Variants in RBMS3 observed in about 807,000 individuals in gnomAD.
The protein encoded by RBMS3 is RNA binding motif single stranded interacting protein 3, also known as RNA-binding motif, single-stranded-interacting protein 3.
RBMS3 carries 27 observed loss-of-function variants against 66.8 expected under a neutral mutation model. The ratio of observed to expected loss-of-function variants is 0.40; its 90% confidence interval spans 0.30 to 0.56. The LOEUF is 0.56. Ranked by LOEUF, RBMS3 falls within the 20% of genes least tolerant of loss-of-function variation. The pLI, the probability that RBMS3 is intolerant of heterozygous loss-of-function variation, is 0.40. For missense variants in RBMS3, 513 were observed against 549.5 expected (o/e 0.93, Z 0.66); for synonymous variants, 188 against 183.0 (o/e 1.03, Z -0.22).
chr3:29,311,605 A>G (rs1310511560), intron 1 of RBMS3, among the ~76,000 whole-genome samples: 1 of 151,816 alleles, frequency 6.6e-6, no homozygotes, highest in Non-Finnish European at 1.5e-5. Context: ...GAGGTTTACT[A>G]TTTAATTCAC....
At chr3:29,366,665 AC>A (rs2037925895) in intron 1 of RBMS3, among the ~76,000 whole-genome samples, 2 of 152,112 alleles carry the variant, frequency 1.3e-5, no homozygotes, top group African/African-American at 2.4e-5. Flanking sequence ...ATGAGCCACC[AC>A]ACCTGGCGAT....
Position 29,758,002 on chromosome 3 carries a change from G to A in RBMS3, c.558-4908G>A, listed in dbSNP as rs141794650. On this transcript the variant is annotated intron_variant, in intron 5 of 14. Coordinates refer to ENST00000383767, the MANE Select transcript of RBMS3 (RefSeq NM_001003793.3). ...TTGTTTGTTGGAGTAGTACTGGCCA[G>A]GTATTCTGAATGTCTCTAGATCTGA... is the stretch of plus-strand genomic sequence containing the variant. Among the ~76,000 whole-genome samples, 15 of 152,276 alleles carry A rather than the reference G, an allele frequency of 9.9e-5. No individual in the cohort carries two copies. The East Asian group carries it at 2.9e-3, about 29-fold the overall frequency.
At chr3:29,720,458 G>A (rs2053595534) in intron 4 of RBMS3, among the ~76,000 whole-genome samples, 1 of 152,058 alleles carries the variant, frequency 6.6e-6, no homozygotes, top group African/African-American at 2.4e-5. Flanking sequence ...TCTTGTAACT[G>A]ACAGTGAAAT....
intron 6 of RBMS3, among the ~76,000 whole-genome samples, chr3:29,863,768 G>A (rs1433745299): frequency 6.6e-6 from 1 of 152,078 alleles, no homozygotes; most frequent in Non-Finnish European, 1.5e-5. Flanking sequence ...TGTTAAGGTA[G>A]GCTTAAAATC....
At chr3:29,559,353 T>C (rs561672410) in intron 3 of RBMS3, among the ~76,000 whole-genome samples, 72 of 151,712 alleles carry the variant, frequency 4.7e-4, no homozygotes, top group African/African-American at 1.7e-3. Context: ...AAAGCATTCA[T>C]CACCTTCTTT....
intron 4 of RBMS3, among the ~76,000 whole-genome samples, chr3:29,701,561 G>C (rs1477080587): frequency 3.9e-5 from 6 of 152,004 alleles, no homozygotes; most frequent in Admixed American, 3.3e-4. Flanking sequence ...CCCTCTGCTT[G>C]TAAGGAGGTG....
intron 3 of RBMS3, among the ~76,000 whole-genome samples, chr3:29,583,411 T>C (rs1429017384): frequency 6.6e-6 from 1 of 152,150 alleles, no homozygotes; most frequent in Non-Finnish European, 1.5e-5. Flanking sequence ...AGCCCAACAG[T>C]ATTAATAGAC....
chr3:29,391,230 A>G (rs193156091), intron 1 of RBMS3: 1 of 156,050 alleles, frequency 6.4e-6, no homozygotes, highest in East Asian at 1.6e-4. Flanking sequence ...GAACAAATAA[A>G]ATGTTGGCTC....
chr3:29,935,809 A>G lies in RBMS3; in HGVS notation c.940-277A>G, dbSNP rs532288368. On this transcript the variant is annotated intron_variant, in intron 10 of 14. Coordinates refer to ENST00000383767, the MANE Select transcript of RBMS3 (RefSeq NM_001003793.3). Reference sequence around the variant, plus strand: ...GGCAAGAGGATATAGATGATTTTCAATACATTCTACCTCAAAAAATGAAAA... The same window carrying G: ...GGCAAGAGGATATAGATGATTTTCAGTACATTCTACCTCAAAAAATGAAAA... 2.0e-4 allele frequency among the ~76,000 whole-genome samples: 31 copies of G among 152,240 alleles called. 1 individual carries two copies. The highest frequency in any genetic ancestry group is 6.8e-3 in the Middle Eastern group (2 of 294).
At chr3:29,648,261 C>CTGTT in intron 4 of RBMS3, among the ~76,000 whole-genome samples, 1 of 88,138 alleles carries the variant, frequency 1.1e-5, no homozygotes, top group African/African-American at 4.9e-5. Context: ...TAGAAAATGT[C>CTGTT]TATTTTTTTT....
At chr3:29,593,903 A>C (rs2047853797) in intron 4 of RBMS3, among the ~76,000 whole-genome samples, 1 of 152,232 alleles carries the variant, frequency 6.6e-6, no homozygotes, top group Non-Finnish European at 1.5e-5. Flanking sequence ...TGGTTTGAAG[A>C]AAATTAAAAC....
intron 6 of RBMS3, among the ~76,000 whole-genome samples, chr3:29,797,485 T>C (rs143492308): frequency 0.056 from 8,594 of 152,200 alleles, 264 homozygotes; most frequent in Non-Finnish European, 0.075. Flanking sequence ...AGCAATAAGG[T>C]GGTTTTGCTT....
chr3:29,579,509 A>G (rs1323941423), intron 3 of RBMS3, among the ~76,000 whole-genome samples: 1 of 152,186 alleles, frequency 6.6e-6, no homozygotes, highest in African/African-American at 2.4e-5. Context: ...AGGTTTGCCT[A>G]TCCTAAATTG....
At chr3:29,877,489 A>G (rs1371205463) in intron 7 of RBMS3, among the ~76,000 whole-genome samples, 1 of 152,232 alleles carries the variant, frequency 6.6e-6, no homozygotes, top group Non-Finnish European at 1.5e-5. Flanking sequence ...AGTGAGGACC[A>G]TTTCACAGGT....
intron 2 of RBMS3, among the ~76,000 whole-genome samples, chr3:29,438,064 T>C (rs938159109): frequency 1.7e-5 from 2 of 116,632 alleles, no homozygotes; most frequent in African/African-American, 7.3e-5. Context: ...CTCTCTCTCG[T>C]AGTGTTGGCC....
In RBMS3 at chr3:30,000,285, A is replaced by T. The variant is rs188108289; in HGVS notation, c.1308-3571A>T. On this transcript the variant is annotated intron_variant, in intron 14 of 14. Coordinates refer to ENST00000383767, the MANE Select transcript of RBMS3 (RefSeq NM_001003793.3). Reference sequence around the variant, plus strand: ...CATTTATGCAGCCAACAAACATGAAAAAAAGCTCATCACCACTGATTATCA... The same window carrying T: ...CATTTATGCAGCCAACAAACATGAATAAAAGCTCATCACCACTGATTATCA... Among the ~76,000 whole-genome samples, 208 of 152,352 alleles carry T rather than the reference A, an allele frequency of 1.4e-3. 1 individual carries two copies. Among genetic ancestry groups the T allele is most frequent in the African/African-American group, 4.4e-3 (185 of 41,586 alleles).
Position 29,514,993 on chromosome 3 carries a change from A to G in RBMS3, c.307+26494A>G, listed in dbSNP as rs114630307. 7.1e-3 allele frequency among the ~76,000 whole-genome samples: 1,087 copies of G among 152,176 alleles called. 14 individuals carry two copies. The highest frequency in any genetic ancestry group is 0.025 in the African/African-American group (1,038 of 41,516). ...TCACAGATGAGGGTAATGAGCCACT[A>G]TGTTCAAGATCAATCAGCTTCCAAA... On this transcript the variant is annotated intron_variant, in intron 3 of 14. Transcript: ENST00000383767.
intron 6 of RBMS3, among the ~76,000 whole-genome samples, chr3:29,857,976 A>G (rs2059122749): frequency 6.6e-6 from 1 of 152,206 alleles, no homozygotes; most frequent in South Asian, 2.1e-4. Flanking sequence ...GTGTGCTAAT[A>G]TGGAAAATTC....
At chr3:29,594,651 C>A (rs1385209366) in intron 4 of RBMS3, among the ~76,000 whole-genome samples, 2 of 152,142 alleles carry the variant, frequency 1.3e-5, no homozygotes, top group Non-Finnish European at 2.9e-5. Context: ...GAAATACTTA[C>A]TGGCTGGTCT....
Sources: gnomAD v4.1 joint callset for allele counts (sites outside exome capture counted in the v4.1 genomes callset) on GRCh38, gnomAD v4.1.1 for gene constraint, MANE v1.5 for transcripts, NCBI Gene and HGNC (gene_info 2026-07-23, HGNC 2026-07-21) for gene names.